The following GRID2 variants were observed in gnomAD, a reference collection of about 807,000 sequenced individuals.
GRID2 encodes glutamate ionotropic receptor delta type subunit 2.
Under a neutral mutation model 114.8 loss-of-function variants are expected in GRID2, and 33 were observed. The observed-to-expected ratio is 0.29, with a 90% CI of 0.22 to 0.38. GRID2 has a LOEUF of 0.38. Ranked by LOEUF, GRID2 falls within the 10% of genes least tolerant of loss-of-function variation. The pLI is 1.00. For missense variants in GRID2, 1,184 were observed against 1,257.7 expected (o/e 0.94, Z 0.89); for synonymous variants, 505 against 449.9 (o/e 1.12, Z -1.55).
chr4:93,582,773 G>A (rs1737110062), intron 13 of GRID2, among the ~76,000 whole-genome samples: 1 of 152,036 alleles, frequency 6.6e-6, no homozygotes, highest in Admixed American at 6.6e-5. Flanking sequence ...TTAGATTGGG[G>A]AAATAAATAA....
In GRID2 at chr4:92,505,910, T is replaced by C. The variant is rs571480432; in HGVS notation, c.89-84221T>C. 5.9e-5 allele frequency among the ~76,000 whole-genome samples: 9 copies of C among 152,064 alleles called. No homozygotes were observed. The South Asian group carries it at 1.9e-3, about 31-fold the overall frequency. ...ATTTCCTGAAATCTCTTTTTATATT[T>C]GAGATCAAGAATTATAGAAGCTGGC... On this transcript the variant is annotated intron_variant, in intron 1 of 15. Coordinates refer to ENST00000282020, the MANE Select transcript of GRID2 (RefSeq NM_001510.4).
At chr4:93,154,360 A>C (rs1736985700) in intron 4 of GRID2, among the ~76,000 whole-genome samples, 1 of 151,950 alleles carries the variant, frequency 6.6e-6, no homozygotes. Context: ...CCTTGATTCC[A>C]CAACTAAAAG....
intron 10 of GRID2, among the ~76,000 whole-genome samples, chr4:93,441,389 A>G (rs539715573): frequency 6.6e-6 from 1 of 152,196 alleles, no homozygotes; most frequent in African/African-American, 2.4e-5. Context: ...TCTGGAAATT[A>G]TAAACATAGA....
chr4:92,686,406 T>C (rs1307922043), intron 2 of GRID2, among the ~76,000 whole-genome samples: 2 of 152,140 alleles, frequency 1.3e-5, no homozygotes, highest in Non-Finnish European at 2.9e-5. Flanking sequence ...CCTTGCTTAG[T>C]AGACATTTTT....
chr4:92,745,630 G>C (rs1329250275), intron 2 of GRID2, among the ~76,000 whole-genome samples: 1 of 152,006 alleles, frequency 6.6e-6, no homozygotes, highest in Non-Finnish European at 1.5e-5. Flanking sequence ...TTTAAATTTA[G>C]TTTAATTTTT....
intron 2 of GRID2, among the ~76,000 whole-genome samples, chr4:92,622,410 C>T (rs573360954): frequency 6.6e-6 from 1 of 151,510 alleles, no homozygotes; most frequent in African/African-American, 2.4e-5. Flanking sequence ...TGCTCTTTCC[C>T]GACTCTCCTA....
At chr4:93,402,567 C>T (rs1160375168) in intron 9 of GRID2, among the ~76,000 whole-genome samples, 4 of 151,914 alleles carry the variant, frequency 2.6e-5, no homozygotes, top group African/African-American at 9.7e-5. Flanking sequence ...GGGAGACAAA[C>T]AAATGTAAAC....
intron 2 of GRID2, among the ~76,000 whole-genome samples, chr4:92,990,303 A>ATG (rs1377957112): frequency 4.4e-5 from 6 of 137,346 alleles, no homozygotes; most frequent in Admixed American, 1.5e-4. Context: ...ATATATATAT[A>ATG]TATGTGTGTG....
At chr4:93,648,257 G>T (rs1208265175) in intron 14 of GRID2, among the ~76,000 whole-genome samples, 1 of 152,182 alleles carries the variant, frequency 6.6e-6, no homozygotes, top group East Asian at 1.9e-4. Flanking sequence ...GAACGTATGA[G>T]ACAGAAGGTT....
chr4:93,492,836 G>A (rs1057112383), intron 12 of GRID2, among the ~76,000 whole-genome samples: 1 of 151,780 alleles, frequency 6.6e-6, no homozygotes, highest in South Asian at 2.1e-4. Context: ...CACCCATGCT[G>A]TGCATTAGAT....
intron 8 of GRID2, among the ~76,000 whole-genome samples, chr4:93,268,460 G>T (rs910144965): frequency 1.3e-5 from 2 of 152,082 alleles, no homozygotes; most frequent in Non-Finnish European, 2.9e-5. Flanking sequence ...ATGAATTTTT[G>T]AGGTGGACAC....
intron 1 of GRID2, among the ~76,000 whole-genome samples, chr4:92,494,732 A>G (rs1560669660): frequency 6.6e-6 from 1 of 151,994 alleles, no homozygotes; most frequent in South Asian, 2.1e-4. Context: ...ATGTTTATGC[A>G]TTTCATTTTT....
At chr4:93,399,924 C>A (rs952781799) in intron 9 of GRID2, among the ~76,000 whole-genome samples, 1 of 152,036 alleles carries the variant, frequency 6.6e-6, no homozygotes, top group Non-Finnish European at 1.5e-5. Flanking sequence ...GAGCATCTAC[C>A]ATTTGATAGG....
intron 4 of GRID2, among the ~76,000 whole-genome samples, chr4:93,116,542 T>A (rs1733277848): frequency 6.6e-6 from 1 of 152,126 alleles, no homozygotes; most frequent in African/African-American, 2.4e-5. Flanking sequence ...TAAATTGCTG[T>A]TTTCAATAAC....
intron 1 of GRID2, among the ~76,000 whole-genome samples, chr4:92,351,571 C>T (rs1185774342): frequency 6.6e-6 from 1 of 151,718 alleles, no homozygotes; most frequent in African/African-American, 2.4e-5. Flanking sequence ...TAACTATAGA[C>T]ACCCTACAGT....
chr4:93,516,162 C>T (rs1168847621), intron 13 of GRID2, among the ~76,000 whole-genome samples: 2 of 152,064 alleles, frequency 1.3e-5, no homozygotes, highest in African/African-American at 2.4e-5. Flanking sequence ...CAGGAATGAA[C>T]GTCAGTAATA....
chr4:93,623,153 C>CT (rs1019183737), intron 13 of GRID2, among the ~76,000 whole-genome samples: 2 of 151,658 alleles, frequency 1.3e-5, no homozygotes, highest in Non-Finnish European at 2.9e-5. Context: ...GCAGATGATT[C>CT]TTTTTTTTAT....
chr4:93,329,251 C>G (rs987394347), intron 8 of GRID2, among the ~76,000 whole-genome samples: 2 of 152,066 alleles, frequency 1.3e-5, no homozygotes, highest in Non-Finnish European at 1.5e-5. Flanking sequence ...ATCAAGAAAA[C>G]TGGAGGCATT....
chr4:92,648,758 T>G (rs1731768252), intron 2 of GRID2, among the ~76,000 whole-genome samples: 1 of 149,002 alleles, frequency 6.7e-6, no homozygotes, highest in Non-Finnish European at 1.5e-5. Context: ...GAGTTAAAAC[T>G]TTAGTTCCCA....
Sources: gnomAD v4.1 joint callset for allele counts (sites outside exome capture counted in the v4.1 genomes callset) on GRCh38, gnomAD v4.1.1 for gene constraint, MANE v1.5 for transcripts, NCBI Gene and HGNC (gene_info 2026-07-23, HGNC 2026-07-21) for gene names.